IMMT: variants seen among roughly 807,000 people sequenced by gnomAD.
The protein encoded by IMMT is inner membrane mitochondrial protein.
A neutral mutation model predicts 92.7 loss-of-function variants in IMMT; 40 were observed. The observed-to-expected ratio is 0.43, with a 90% CI of 0.34 to 0.56. The LOEUF (loss-of-function observed/expected upper bound fraction) is 0.56. IMMT is among the 20% of genes least tolerant of loss of function. IMMT has a pLI of 0.03. For synonymous variants in IMMT, 322 were observed against 336.1 expected (o/e 0.96, Z 0.46); for missense variants, 831 against 912.1 (o/e 0.91, Z 1.14).
intron 8 of IMMT, 44 bp from the exon 9 acceptor site, chr2:86,159,715 C>T (rs1393977830): frequency 6.7e-7 from 1 of 1,493,766 alleles, no homozygotes; most frequent in Non-Finnish European, 8.9e-7. Flanking sequence ...TTCTTGTCAA[C>T]TGTATTAAAA....
rs759967436 is a variant in IMMT, at chr2:86,144,747, T to C, written c.1798A>G (p.Lys600Glu). 8 of 1,613,894 alleles carry C rather than the reference T, an allele frequency of 5.0e-6. No homozygotes were observed. In the South Asian group the frequency reaches 7.7e-5, roughly 16 times the overall value. ...AATTCATTATCAGAACAGTTGGCTT[T>C]GATGGCCTCAACTGCACTACCCAGC... The part of the protein sequence containing the change: ...IPLGSAVEAI[K>E]ANCSDNEFTQ... Residue 600 changes from lysine (K) to glutamate (E), a missense_variant, in exon 15 of 15, where the codon AAA becomes GAA. Physicochemically the swap from Lys to Glu is moderately conservative, Grantham distance 56. Coordinates refer to ENST00000410111, the MANE Select transcript of IMMT (RefSeq NM_006839.3).
intron 8 of IMMT, 60 bp from the exon 9 acceptor site, chr2:86,159,731 T>C: frequency 7.1e-7 from 1 of 1,402,966 alleles, no homozygotes. Flanking sequence ...TAAAAAGTTT[T>C]GATGTCAGCA....
intron 12 of IMMT, 92 bp downstream of exon 12, chr2:86,151,205 A>G (rs1311806101): frequency 1.8e-6 from 2 of 1,110,056 alleles, no homozygotes; most frequent in South Asian, 2.8e-5. Context: ...GGCATGAACC[A>G]CTGCACCCGG....
chr2:86,162,923 G>A lies in IMMT; in HGVS notation c.793-844C>T, dbSNP rs986836009. 3.3e-5 allele frequency among the ~76,000 whole-genome samples: 5 copies of A among 152,086 alleles called. No individual in the cohort carries two copies. The East Asian group carries it at 9.6e-4, about 29-fold the overall frequency. On this transcript the variant is annotated intron_variant, in intron 7 of 14. Transcript: ENST00000410111. ...ATGGAACTCATTGCCACTTTTTTGA[G>A]CAGAGCTGGCTCATATTTAGGGGAT...
chr2:86,151,643 GAA>G (rs1675476353), intron 11 of IMMT, 123 bp from the exon 12 acceptor site: 8 of 718,560 alleles, frequency 1.1e-5, no homozygotes, highest in Non-Finnish European at 1.6e-5. Flanking sequence ...TAGCTAACAT[GAA>G]AAGAGATTTA....
intron 7 of IMMT, among the ~76,000 whole-genome samples, chr2:86,163,263 G>C (rs1223045821): frequency 6.6e-6 from 1 of 152,168 alleles, no homozygotes; most frequent in Middle Eastern, 3.2e-3. Flanking sequence ...GCCACAGTGA[G>C]CTGTAATCAC....
chr2:86,161,512 CTTTTTT>C (rs35243118), intron 8 of IMMT, among the ~76,000 whole-genome samples: 2 of 108,456 alleles, frequency 1.8e-5, no homozygotes, highest in Admixed American at 2.0e-4. Flanking sequence ...GTACAAATTC[CTTTTTT>C]TTTTTTTTTT....
chr2:86,191,839 C>T (rs1439168427), intron 1 of IMMT, among the ~76,000 whole-genome samples: 3 of 151,492 alleles, frequency 2.0e-5, no homozygotes, highest in Non-Finnish European at 4.4e-5. Context: ...GGCATGAACC[C>T]GGGAGGCGGA....
At chr2:86,176,190 G>A (rs1677414603) in intron 3 of IMMT, among the ~76,000 whole-genome samples, 1 of 152,202 alleles carries the variant, frequency 6.6e-6, no homozygotes, top group South Asian at 2.1e-4. Context: ...TGACATTTAA[G>A]CACTCCTGGC....
At chr2:86,163,538 A>G (rs1175613657) in intron 7 of IMMT, among the ~76,000 whole-genome samples, 1 of 152,178 alleles carries the variant, frequency 6.6e-6, no homozygotes, top group Non-Finnish European at 1.5e-5. Context: ...ATGGTTTTAA[A>G]TTTCAATTTG....
At chr2:86,159,386 A>C in intron 9 of IMMT, 150 bp downstream of exon 9, 1 of 763,050 alleles carries the variant, frequency 1.3e-6, no homozygotes, top group East Asian at 2.8e-5. Flanking sequence ...CACCCAGCCA[A>C]GGCAAATTTT....
At chr2:86,179,192 A>C (rs897541705) in intron 3 of IMMT, among the ~76,000 whole-genome samples, 2 of 152,252 alleles carry the variant, frequency 1.3e-5, no homozygotes. Context: ...TTTACAATGT[A>C]TTAGATATTA....
Position 86,195,352 on chromosome 2 carries a change from T to C in IMMT, c.31A>G (p.Thr11Ala), listed in dbSNP as rs1353665552. The C allele has an allele frequency of 1.0e-5, 16 of 1,549,608 alleles. No homozygotes were observed. Among genetic ancestry groups the C allele is most frequent in the African/African-American group, 1.4e-5 (1 of 72,710 alleles). The change falls in exon 1 of 15, where the codon ACC becomes GCC. Residue 11 changes from threonine to alanine, a missense_variant. By Grantham distance (58) the Thr-to-Ala change is moderately conservative. Coordinates refer to ENST00000410111, the MANE Select transcript of IMMT (RefSeq NM_006839.3). MLRACQLSGV[T>A]AAAQSCLCGK... Reference sequence around the variant, plus strand: ...CCAGTGCTCACCTGGGCGGCGGCGGTCACACCCGATAACTGACAGGCCCGC... The same window carrying C: ...CCAGTGCTCACCTGGGCGGCGGCGGCCACACCCGATAACTGACAGGCCCGC...
At position 86,153,560 on chromosome 2, in the gene IMMT, C is replaced by G. The variant is rs1246262297; in HGVS notation, c.1177G>C (p.Ala393Pro). The G allele has an allele frequency of 5.4e-6, 8 of 1,476,490 alleles. No individual in the cohort carries two copies. The highest frequency in any genetic ancestry group is 7.3e-6 in the Non-Finnish European group (8 of 1,093,980). 91.5% of individuals were successfully genotyped at this position (1,476,490 alleles called of 1,614,324 possible). The change falls in exon 11 of 15, where the codon GCT (alanine) becomes CCT (proline). Residue 393 changes from alanine (A) to proline (P), a missense_variant and splice_region_variant. Transcript: ENST00000410111. Reference sequence around the variant, plus strand: ...AACATGAAATATACATAACACTCACCTAAGTCTGAAACACCTACAAAGGAA... The same window carrying G: ...AACATGAAATATACATAACACTCACGTAAGTCTGAAACACCTACAAAGGAA... ...GWKGMSVSDL[A>P]DKLSTDDLNS...
chr2:86,165,858 T>C (rs1486875363), intron 7 of IMMT, among the ~76,000 whole-genome samples: 1 of 152,190 alleles, frequency 6.6e-6, no homozygotes, highest in Non-Finnish European at 1.5e-5. Context: ...TCTTAAAAAG[T>C]TTACCTATGG....
In IMMT at chr2:86,171,303, G is replaced by T. The variant is rs1287064593; in HGVS notation, c.464C>A (p.Thr155Asn). ...AACTGCAGGGGCTGGGACCGACAGGGTATCACCTGCTGCAGAAATAATTTG... is the reference window on the plus strand; with the variant it reads ...AACTGCAGGGGCTGGGACCGACAGGTTATCACCTGCTGCAGAAATAATTTG... ...AAQIISAAGD[T>N]LSVPAPAVQP... Residue 155 changes from threonine to asparagine, a missense_variant, in exon 5 of 15, where the codon ACC becomes AAC. Physicochemically the swap from Thr to Asn is moderately conservative, Grantham distance 65. Coordinates refer to ENST00000410111, the MANE Select transcript of IMMT (RefSeq NM_006839.3). 1 of 1,611,018 alleles carries T rather than the reference G, an allele frequency of 6.2e-7. No individual in the cohort carries two copies. Among genetic ancestry groups the T allele is most frequent in the Non-Finnish European group, 8.5e-7 (1 of 1,178,328 alleles).
intron 12 of IMMT, among the ~76,000 whole-genome samples, chr2:86,148,968 TCA>T (rs1675257913): frequency 6.6e-6 from 1 of 152,208 alleles, no homozygotes; most frequent in African/African-American, 2.4e-5. Context: ...CTTCTTGCTC[TCA>T]CAGTGTATAT....
intron 7 of IMMT, 113 bp from the exon 8 acceptor site, chr2:86,162,192 A>G: frequency 1.6e-6 from 1 of 637,458 alleles, no homozygotes; most frequent in South Asian, 2.0e-5. Flanking sequence ...AAAAATTTAT[A>G]TGCAATGTTT....
At chr2:86,167,203 G>C (rs1286922330) in intron 6 of IMMT, among the ~76,000 whole-genome samples, 2 of 120,474 alleles carry the variant, frequency 1.7e-5, no homozygotes, top group Admixed American at 1.9e-4. Flanking sequence ...ACAGAGTCTC[G>C]CTCTGTCGCC....
Sources: allele counts gnomAD v4.1 joint callset (sites outside exome capture counted in the v4.1 genomes callset), GRCh38; gene constraint gnomAD v4.1.1; transcripts MANE v1.5; gene names NCBI Gene and HGNC (gene_info 2026-07-23, HGNC 2026-07-21).